Variants in PRKG1 observed in about 807,000 individuals in gnomAD.
PRKG1 encodes the protein protein kinase cGMP-dependent 1.
PRKG1 carries 35 observed loss-of-function variants against 88.1 expected under a neutral mutation model. The observed-to-expected ratio is 0.40, with a 90% CI of 0.30 to 0.53. PRKG1 has a LOEUF of 0.53. PRKG1 is among the 20% of genes least tolerant of loss of function. PRKG1 has a pLI of 0.59. For missense variants in PRKG1, 540 were observed against 839.8 expected (o/e 0.64, Z 4.41); for synonymous variants, 303 against 292.5 (o/e 1.04, Z -0.37).
At chr10:51,516,324 A>G (rs1420578347) in intron 3 of PRKG1, among the ~76,000 whole-genome samples, 1 of 152,012 alleles carries the variant, frequency 6.6e-6, no homozygotes, top group Non-Finnish European at 1.5e-5. Context: ...GCCTCTCCTC[A>G]ATGTCTAGCC....
At chr10:51,851,710 A>T (rs1335420780) in intron 4 of PRKG1, among the ~76,000 whole-genome samples, 9 of 152,224 alleles carry the variant, frequency 5.9e-5, no homozygotes, top group Admixed American at 5.9e-4. Flanking sequence ...GGTATGCTTA[A>T]AATGCTTTGA....
intron 9 of PRKG1, among the ~76,000 whole-genome samples, chr10:52,237,378 T>C (rs1030003380): frequency 1.5e-5 from 2 of 132,134 alleles, no homozygotes; most frequent in African/African-American, 6.1e-5. Context: ...GAAGTCAAAT[T>C]GTCCCTGTTT....
chr10:51,271,541 T>C (rs1215878160), intron 2 of PRKG1, among the ~76,000 whole-genome samples: 1 of 152,208 alleles, frequency 6.6e-6, no homozygotes, highest in African/African-American at 2.4e-5. Context: ...TTAAAGTGAT[T>C]AACTTTAAAT....
At chr10:51,898,076 C>A (rs1841894619) in intron 4 of PRKG1, among the ~76,000 whole-genome samples, 1 of 152,098 alleles carries the variant, frequency 6.6e-6, no homozygotes, top group Non-Finnish European at 1.5e-5. Flanking sequence ...CTTTGCTACT[C>A]CTGGAATCTA....
rs71029341 is a variant in PRKG1 at position 51,016,673 on chromosome 10, CTTTTT to C, written c.266+25044_266+25048del. 1.1e-4 allele frequency among the ~76,000 whole-genome samples: 4 copies of C among 35,182 alleles called. 1 individual carries two copies. The highest frequency in any genetic ancestry group is 4.7e-4 in the Admixed American group (1 of 2,132). 23.1% of individuals were successfully genotyped at this position (35,182 alleles called of 152,430 possible). On this transcript the variant is annotated intron_variant, in intron 1 of 17. Coordinates refer to the PRKG1 transcript ENST00000401604. Reference sequence around the variant, plus strand: ...AGTGAAGAAGGTATTATTATCCTTTCTTTTTTTTTTTTTTTTTTTGGAATCTTGCT... The same window carrying C: ...AGTGAAGAAGGTATTATTATCCTTTCTTTTTTTTTTTTTTGGAATCTTGCT...
intron 8 of PRKG1, among the ~76,000 whole-genome samples, chr10:52,144,898 G>A (rs1412831453): frequency 6.6e-6 from 1 of 152,010 alleles, no homozygotes; most frequent in Non-Finnish European, 1.5e-5. Flanking sequence ...GGGATGAAAG[G>A]GAAATGTTTC....
intron 3 of PRKG1, among the ~76,000 whole-genome samples, chr10:51,504,570 C>T (rs1030907252): frequency 3.9e-5 from 6 of 152,138 alleles, no homozygotes; most frequent in Non-Finnish European, 7.3e-5. Flanking sequence ...GCAGCATGGC[C>T]ATTGTCATGA....
At chr10:51,041,372 T>C (rs1843419077) in intron 1 of PRKG1, among the ~76,000 whole-genome samples, 1 of 152,066 alleles carries the variant, frequency 6.6e-6, no homozygotes, top group African/African-American at 2.4e-5. Flanking sequence ...TTTTTATCTC[T>C]CTTTTTTCTC....
intron 5 of PRKG1, among the ~76,000 whole-genome samples, chr10:52,039,132 G>C (rs544554871): frequency 3.3e-5 from 5 of 152,302 alleles, no homozygotes; most frequent in East Asian, 3.9e-4. Context: ...TCCGTGTGAA[G>C]AGACCACCAA....
chr10:51,661,839 T>C (rs902511703), intron 3 of PRKG1, among the ~76,000 whole-genome samples: 6 of 152,092 alleles, frequency 3.9e-5, no homozygotes, highest in Non-Finnish European at 5.9e-5. Flanking sequence ...CAAATGTCCA[T>C]CAATGACAGA....
At chr10:51,121,741 A>G (rs1170882411) in intron 1 of PRKG1, among the ~76,000 whole-genome samples, 1 of 152,160 alleles carries the variant, frequency 6.6e-6, no homozygotes, top group East Asian at 1.9e-4. Context: ...ATGCATATCT[A>G]TTTGAAAATG....
At chr10:51,576,721 T>C (rs1006928109) in intron 3 of PRKG1, among the ~76,000 whole-genome samples, 2 of 151,982 alleles carry the variant, frequency 1.3e-5, no homozygotes, top group Non-Finnish European at 2.9e-5. Context: ...TTTTCAAAAT[T>C]AGATTATATC....
At chr10:51,791,730 G>C (rs533138894) in intron 3 of PRKG1, among the ~76,000 whole-genome samples, 1 of 152,152 alleles carries the variant, frequency 6.6e-6, no homozygotes, top group East Asian at 1.9e-4. Flanking sequence ...GAAGGTTGCA[G>C]ACATTTAGAG....
Position 52,109,701 on chromosome 10 carries a change from G to A in PRKG1, c.936-24139G>A, listed in dbSNP as rs111898864. 1.4e-3 allele frequency among the ~76,000 whole-genome samples: 217 copies of A among 151,746 alleles called. 1 individual carries two copies. The highest frequency in any genetic ancestry group is 5.0e-3 in the African/African-American group (205 of 41,396). On this transcript the variant is annotated intron_variant, in intron 7 of 17. Transcript: ENST00000373980. ...AGAATCACTTGAACTCAGTGATGTC[G>A]GCAGTGAGACGACATCACGCCACTG...
intron 1 of PRKG1, among the ~76,000 whole-genome samples, chr10:51,147,411 G>A (rs1353682279): frequency 2.7e-5 from 4 of 147,746 alleles, no homozygotes; most frequent in East Asian, 2.0e-4. Context: ...AATATGTACC[G>A]TTACTACATG....
chr10:52,021,459 G>A (rs1390706790), intron 5 of PRKG1, among the ~76,000 whole-genome samples: 5 of 152,198 alleles, frequency 3.3e-5, no homozygotes, highest in Non-Finnish European at 7.3e-5. Context: ...AATCATTAAA[G>A]ACAGTAAGAA....
chr10:51,885,300 G>A (rs1841540892), intron 4 of PRKG1, among the ~76,000 whole-genome samples: 1 of 152,200 alleles, frequency 6.6e-6, no homozygotes, highest in African/African-American at 2.4e-5. Context: ...TGAGAAAAGT[G>A]GAGCCAAGGG....
chr10:51,636,076 TG>T lies in PRKG1; in HGVS notation c.592+168241del, dbSNP rs1589149980. On this transcript the variant is annotated intron_variant, in intron 3 of 17. Coordinates refer to ENST00000373980, the MANE Select transcript of PRKG1 (RefSeq NM_006258.4). ...AAGTCATAAATAAATGGGAAACTTC[TG>T]TTAGGTGGCTTGGTCTTATTTTTAT... Among the ~76,000 whole-genome samples, 3 of 152,214 alleles carry T rather than the reference TG, an allele frequency of 2.0e-5. No homozygotes were observed. The East Asian group carries it at 5.8e-4, about 29-fold the overall frequency.
chr10:52,231,674 T>C (rs1294738645), intron 9 of PRKG1, among the ~76,000 whole-genome samples: 1 of 152,180 alleles, frequency 6.6e-6, no homozygotes, highest in Non-Finnish European at 1.5e-5. Flanking sequence ...TAAGAATAGA[T>C]AGATAGTAAT....
Sources: gnomAD v4.1 joint callset for allele counts (sites outside exome capture counted in the v4.1 genomes callset) on GRCh38, gnomAD v4.1.1 for gene constraint, MANE v1.5 for transcripts, NCBI Gene and HGNC (gene_info 2026-07-23, HGNC 2026-07-21) for gene names.